The following PTPRD variants were observed in gnomAD, a reference collection of about 807,000 sequenced individuals.
PTPRD encodes receptor-type tyrosine-protein phosphatase delta.
PTPRD carries 34 observed loss-of-function variants against 214.5 expected under a neutral mutation model. The ratio of observed to expected loss-of-function variants is 0.16; its 90% confidence interval spans 0.12 to 0.21. The LOEUF (loss-of-function observed/expected upper bound fraction) is 0.21, where lower values mean the gene tolerates loss of function less well. Among genes scored for constraint, PTPRD ranks in the 10% least tolerant of loss-of-function variants. The pLI is 1.00. For missense variants in PTPRD, 2,545 were observed against 2,398.7 expected (o/e 1.06, Z -1.27); for synonymous variants, 1,128 against 845.7 (o/e 1.33, Z -5.79).
At chr9:10,461,101 T>C (rs1341572039) in intron 2 of PTPRD, among the ~76,000 whole-genome samples, 3 of 151,916 alleles carry the variant, frequency 2.0e-5, no homozygotes, top group African/African-American at 7.3e-5. Context: ...TAGACATTTC[T>C]CCAAAGATGA....
chr9:8,405,133 C>G (rs2130640227), intron 35 of PTPRD, among the ~76,000 whole-genome samples: 1 of 152,262 alleles, frequency 6.6e-6, no homozygotes, highest in Admixed American at 6.5e-5. Flanking sequence ...TCTTTATCTA[C>G]ATGTTCACAA....
At chr9:10,270,684 G>T (rs1047948330) in intron 3 of PTPRD, among the ~76,000 whole-genome samples, 1 of 152,000 alleles carries the variant, frequency 6.6e-6, no homozygotes, top group Non-Finnish European at 1.5e-5. Context: ...AAAAAATTGT[G>T]GTATTGGATG....
chr9:9,824,262 T>A (rs951789826), intron 5 of PTPRD, among the ~76,000 whole-genome samples: 1 of 152,026 alleles, frequency 6.6e-6, no homozygotes, highest in African/African-American at 2.4e-5. Flanking sequence ...CATCTTTATT[T>A]ATCCTTAGTC....
chr9:8,870,057 T>C (rs1338865746), intron 11 of PTPRD, among the ~76,000 whole-genome samples: 1 of 151,918 alleles, frequency 6.6e-6, no homozygotes, highest in African/African-American at 2.4e-5. Flanking sequence ...CCACTAGTTC[T>C]AGCTGTCATA....
At chr9:9,015,085 T>C (rs1358774045) in intron 11 of PTPRD, among the ~76,000 whole-genome samples, 1 of 152,158 alleles carries the variant, frequency 6.6e-6, no homozygotes, top group Admixed American at 6.6e-5. Context: ...AAGCCAGGTT[T>C]ATTTTAACTA....
At chr9:9,580,414 A>G (rs2090374763) in intron 7 of PTPRD, among the ~76,000 whole-genome samples, 1 of 151,962 alleles carries the variant, frequency 6.6e-6, no homozygotes, top group South Asian at 2.1e-4. Context: ...ATGTAAGATG[A>G]TATGACATTG....
intron 3 of PTPRD, among the ~76,000 whole-genome samples, chr9:10,294,561 G>C (rs2095621475): frequency 6.6e-6 from 1 of 151,824 alleles, no homozygotes; most frequent in Non-Finnish European, 1.5e-5. Context: ...GTATCCATTT[G>C]TTTTGATTTT....
intron 7 of PTPRD, among the ~76,000 whole-genome samples, chr9:9,590,248 T>C (rs2092582260): frequency 6.6e-6 from 1 of 151,978 alleles, no homozygotes; most frequent in African/African-American, 2.4e-5. Flanking sequence ...CACAAGAATT[T>C]TTTTCTGTAT....
intron 14 of PTPRD, among the ~76,000 whole-genome samples, chr9:8,591,206 G>A (rs1339679199): frequency 6.6e-6 from 1 of 152,154 alleles, no homozygotes; most frequent in African/African-American, 2.4e-5. Context: ...AACATCAACT[G>A]CATCTGCAAC....
intron 2 of PTPRD, among the ~76,000 whole-genome samples, chr9:10,373,209 G>T (rs150081933): frequency 4.6e-5 from 7 of 151,380 alleles, no homozygotes; most frequent in Admixed American, 4.6e-4. Context: ...TATCTAATGG[G>T]TTAAAAGTGA....
chr9:9,995,536 C>A (rs1365170340), intron 4 of PTPRD, among the ~76,000 whole-genome samples: 1 of 152,166 alleles, frequency 6.6e-6, no homozygotes, highest in East Asian at 1.9e-4. Flanking sequence ...CCACCCCACT[C>A]TGTATCCTGA....
At chr9:10,611,185 T>A (rs1340002028) in intron 2 of PTPRD, among the ~76,000 whole-genome samples, 1 of 152,142 alleles carries the variant, frequency 6.6e-6, no homozygotes, top group Non-Finnish European at 1.5e-5. Context: ...ATAAAAGGGA[T>A]AAACTTTTTC....
At chr9:9,727,311 C>A (rs543319055) in intron 7 of PTPRD, among the ~76,000 whole-genome samples, 2 of 151,866 alleles carry the variant, frequency 1.3e-5, no homozygotes, top group Non-Finnish European at 2.9e-5. Context: ...GTTAGCCAGG[C>A]GTGATGGCAC....
intron 9 of PTPRD, among the ~76,000 whole-genome samples, chr9:9,271,210 C>T (rs1383211482): frequency 6.6e-6 from 1 of 151,124 alleles, no homozygotes; most frequent in Admixed American, 6.6e-5. Context: ...TAACTAGAAA[C>T]TTCATGAAGC....
intron 9 of PTPRD, among the ~76,000 whole-genome samples, chr9:9,231,316 G>A (rs2099962972): frequency 6.6e-6 from 1 of 152,016 alleles, no homozygotes; most frequent in South Asian, 2.1e-4. Context: ...CTCTTTGGCT[G>A]GAAAAGCCAA....
chr9:8,919,826 A>G (rs534976759), intron 11 of PTPRD, among the ~76,000 whole-genome samples: 1 of 152,328 alleles, frequency 6.6e-6, no homozygotes, highest in African/African-American at 2.4e-5. Flanking sequence ...ATGCACCCAT[A>G]CATGCATACA....
intron 14 of PTPRD, among the ~76,000 whole-genome samples, chr9:8,631,603 T>C (rs972753626): frequency 3.3e-5 from 5 of 151,864 alleles, no homozygotes; most frequent in African/African-American, 4.8e-5. Flanking sequence ...GTCCTGAGTA[T>C]TGCACAGTAG....
rs779804450 is a variant in PTPRD, at chr9:9,920,845, CG to C, written c.-368+17661del. 9.8e-4 allele frequency among the ~76,000 whole-genome samples: 149 copies of C among 152,220 alleles called. 2 individuals carry two copies. The highest frequency in any genetic ancestry group is 1.7e-3 in the Non-Finnish European group (115 of 67,980). The stretch of plus-strand genomic sequence containing the variant: ...AGTGAATAGAAATTTTGACCCACTC[CG>C]GCTTCCATCTATCATGGGAGCCTAT... On this transcript the variant is annotated intron_variant, in intron 5 of 45. Transcript: ENST00000381196.
chr9:10,027,124 C>G (rs2096938418), intron 4 of PTPRD, among the ~76,000 whole-genome samples: 1 of 151,968 alleles, frequency 6.6e-6, no homozygotes, highest in East Asian at 1.9e-4. Context: ...GAGTCAGATT[C>G]CTGAAAATCT....
Sources: gnomAD v4.1 joint callset for allele counts (sites outside exome capture counted in the v4.1 genomes callset) on GRCh38, gnomAD v4.1.1 for gene constraint, MANE v1.5 for transcripts, NCBI Gene and HGNC (gene_info 2026-07-23, HGNC 2026-07-21) for gene names.